SLC35F4: variants seen among roughly 807,000 people sequenced by gnomAD.
SLC35F4 encodes the protein chromosome 14 open reading frame 36.
In SLC35F4, 24 loss-of-function variants were observed where a neutral mutation model predicts 44.2. That is an observed-to-expected ratio of 0.54 (90% CI 0.39 to 0.76). The LOEUF (loss-of-function observed/expected upper bound fraction) is 0.76, where lower values mean the gene tolerates loss of function less well. SLC35F4 is among the 30% of genes least tolerant of loss of function. The pLI is 0.00. For synonymous variants in SLC35F4, 238 were observed against 223.6 expected, an observed-to-expected ratio of 1.06 and a Z score of -0.57; for missense variants, 562 against 586.1, an observed-to-expected ratio of 0.96 and a Z score of 0.42.
At chr14:57,916,567 C>A (rs973393289) in intron 1 of SLC35F4, among the ~76,000 whole-genome samples, 2 of 152,296 alleles carry the variant, frequency 1.3e-5, no homozygotes, top group East Asian at 3.9e-4. Context: ...TCAAATAATT[C>A]TTCTGTTCCT....
intron 1 of SLC35F4, among the ~76,000 whole-genome samples, chr14:57,800,077 G>T (rs537433210): frequency 2.8e-4 from 42 of 152,288 alleles, no homozygotes; most frequent in Admixed American, 2.1e-3. Context: ...CCCAACAGGG[G>T]TCTCTAGCCA....
intron 1 of SLC35F4, among the ~76,000 whole-genome samples, chr14:57,702,641 A>T (rs1051065362): frequency 6.6e-6 from 1 of 152,150 alleles, no homozygotes; most frequent in Non-Finnish European, 1.5e-5. Context: ...CTCCACCTCT[A>T]ATTTAAACAT....
At chr14:57,666,316 T>C (rs957538479) in intron 1 of SLC35F4, among the ~76,000 whole-genome samples, 1 of 152,184 alleles carries the variant, frequency 6.6e-6, no homozygotes, top group Non-Finnish European at 1.5e-5. Context: ...ATTTTCCTCA[T>C]TGAGCACAAT....
chr14:57,621,349 T>C (rs1222352071), intron 1 of SLC35F4, among the ~76,000 whole-genome samples: 1 of 151,652 alleles, frequency 6.6e-6, no homozygotes, highest in African/African-American at 2.4e-5. Flanking sequence ...AAAAAGAGCC[T>C]GCATCGCCAA....
chr14:57,643,200 T>C (rs1401333306), intron 1 of SLC35F4, among the ~76,000 whole-genome samples: 2 of 152,002 alleles, frequency 1.3e-5, no homozygotes, highest in Non-Finnish European at 2.9e-5. Context: ...TAGAGCACAG[T>C]AATTTGACAG....
In SLC35F4 at chr14:57,716,636, G is replaced by C. The variant is rs913789350; in HGVS notation, c.104-122512C>G. Among the ~76,000 whole-genome samples, 15 of 152,244 alleles carry C rather than the reference G, an allele frequency of 9.9e-5. No individual in the cohort carries two copies. The South Asian group carries it at 3.1e-3, about 32-fold the overall frequency. ...GCACAAAATAATTGTACATATGTAT[G>C]GAGTACAGTGTGATATTTCAATACA... On this transcript the variant is annotated intron_variant, in intron 1 of 7. Coordinates refer to ENST00000556826, the MANE Select transcript of SLC35F4 (RefSeq NM_001306087.2).
intron 1 of SLC35F4, among the ~76,000 whole-genome samples, chr14:57,789,885 T>C (rs145282185): frequency 6.1e-4 from 93 of 152,246 alleles, no homozygotes; most frequent in Middle Eastern, 3.4e-3. Context: ...ACAGAACCAA[T>C]GGCAAAAACC....
intron 1 of SLC35F4, among the ~76,000 whole-genome samples, chr14:57,699,528 T>C (rs889129426): frequency 6.6e-6 from 1 of 152,216 alleles, no homozygotes; most frequent in African/African-American, 2.4e-5. Context: ...TTCTCACTTA[T>C]TAAGCCAGGC....
chr14:57,868,676 C>T (rs55906952), upstream of SLC35F4, among the ~76,000 whole-genome samples: 5,554 of 152,112 alleles, frequency 0.037, 156 homozygotes, highest in South Asian at 0.074. Flanking sequence ...TGGGGTTTCA[C>T]CATGTTGGCC....
At chr14:57,635,438 G>T (rs2072979875) in intron 1 of SLC35F4, among the ~76,000 whole-genome samples, 2 of 151,942 alleles carry the variant, frequency 1.3e-5, no homozygotes, top group South Asian at 4.2e-4. Flanking sequence ...TCCAAGTGGG[G>T]ATGTCAAAAA....
intron 1 of SLC35F4, among the ~76,000 whole-genome samples, chr14:57,774,794 T>A (rs189630945): frequency 3.3e-5 from 5 of 152,334 alleles, no homozygotes; most frequent in Admixed American, 1.3e-4. Context: ...CCACTTTGCC[T>A]GCAAGCACTT....
intron 1 of SLC35F4, among the ~76,000 whole-genome samples, chr14:57,823,311 T>G (rs931762917): frequency 3.3e-5 from 5 of 151,462 alleles, no homozygotes; most frequent in Non-Finnish European, 7.3e-5. Context: ...CCAGCATAAA[T>G]GTCATCTCCT....
intron 1 of SLC35F4, among the ~76,000 whole-genome samples, chr14:57,790,062 G>A (rs1680597055): frequency 6.6e-6 from 1 of 152,152 alleles, no homozygotes; most frequent in African/African-American, 2.4e-5. Context: ...AAAACTGGAA[G>A]GATTCCCTTT....
intron 1 of SLC35F4, among the ~76,000 whole-genome samples, chr14:57,748,602 A>T (rs1270576716): frequency 6.6e-6 from 1 of 152,182 alleles, no homozygotes; most frequent in African/African-American, 2.4e-5. Flanking sequence ...ATTTTTATTT[A>T]TACAGTACTA....
chr14:57,783,772 G>C (rs1156838784), intron 1 of SLC35F4, among the ~76,000 whole-genome samples: 2 of 152,114 alleles, frequency 1.3e-5, no homozygotes, highest in Non-Finnish European at 2.9e-5. Context: ...AAAGATTGTT[G>C]TCTATTTGCC....
At chr14:57,672,232 A>G (rs1321630582) in intron 1 of SLC35F4, among the ~76,000 whole-genome samples, 1 of 152,028 alleles carries the variant, frequency 6.6e-6, no homozygotes, top group Admixed American at 6.6e-5. Context: ...CACCCCTTGT[A>G]TCACCTTGCA....
intron 5 of SLC35F4, 114 bp from the exon 6 acceptor site, chr14:57,570,094 CT>C (rs1835083265): frequency 2.1e-6 from 2 of 951,122 alleles, no homozygotes; most frequent in Admixed American, 6.5e-5. Context: ...TCCATTTCTT[CT>C]TGCCCTGACA....
Position 57,797,833 on chromosome 14 carries a change from T to A in SLC35F4, c.103+67890A>T, listed in dbSNP as rs77803654. On this transcript the variant is annotated intron_variant, in intron 1 of 7. Transcript: ENST00000556826. ...ATCCTTGCCATATATCTTGACAGTA[T>A]GGGGAAGGTACTTCCCCATCCCTTA... is the stretch of plus-strand genomic sequence containing the variant. Among the ~76,000 whole-genome samples the A allele has an allele frequency of 7.3e-3, 1,107 of 152,274 alleles. 9 individuals are homozygous for A. Among genetic ancestry groups the A allele is most frequent in the African/African-American group, 0.025 (1,047 of 41,554 alleles).
intron 1 of SLC35F4, among the ~76,000 whole-genome samples, chr14:57,668,095 C>T (rs1483194501): frequency 1.1e-4 from 16 of 150,412 alleles, no homozygotes; most frequent in Non-Finnish European, 1.6e-4. Context: ...TGATGATGAG[C>T]ATTTTTTCAT....
Sources: gnomAD v4.1 joint callset for allele counts (sites outside exome capture counted in the v4.1 genomes callset) on GRCh38, gnomAD v4.1.1 for gene constraint, MANE v1.5 for transcripts, NCBI Gene and HGNC (gene_info 2026-07-23, HGNC 2026-07-21) for gene names.